ZNRF1: variants seen among roughly 807,000 people sequenced by gnomAD.
The protein encoded by ZNRF1 is zinc and ring finger 1, also known as E3 ubiquitin-protein ligase ZNRF1.
In ZNRF1, 3 loss-of-function variants were observed where a neutral mutation model predicts 18.4. That is an observed-to-expected ratio of 0.16 (90% CI 0.07 to 0.42). ZNRF1 has a LOEUF of 0.42. Among genes scored for constraint, ZNRF1 ranks in the 10% least tolerant of loss-of-function variants. ZNRF1 has a pLI of 0.99. For synonymous variants in ZNRF1, 157 were observed against 144.2 expected, an observed-to-expected ratio of 1.09 and a Z score of -0.64; for missense variants, 310 against 329.8, an observed-to-expected ratio of 0.94 and a Z score of 0.47.
intron 1 of ZNRF1, among the ~76,000 whole-genome samples, chr16:75,017,100 G>T (rs891382435): frequency 6.6e-6 from 1 of 151,984 alleles, no homozygotes; most frequent in Non-Finnish European, 1.5e-5. Flanking sequence ...ATTTCCTGAT[G>T]TCTTTGTATT....
intron 1 of ZNRF1, among the ~76,000 whole-genome samples, chr16:75,075,553 A>T (rs141450624): frequency 6.6e-6 from 1 of 152,282 alleles, no homozygotes; most frequent in East Asian, 1.9e-4. Context: ...TTAATTTGTT[A>T]TCTCTTTCCG....
intron 3 of ZNRF1, 37 bp from the exon 4 acceptor site, chr16:75,106,445 A>G: frequency 1.9e-6 from 3 of 1,613,016 alleles, no homozygotes; most frequent in Non-Finnish European, 2.5e-6. Context: ...CCTGGGCAGC[A>G]GGTAACGTGG....
chr16:75,096,485 G>A (rs1169452605), intron 2 of ZNRF1, among the ~76,000 whole-genome samples: 1 of 152,076 alleles, frequency 6.6e-6, no homozygotes, highest in Non-Finnish European at 1.5e-5. Context: ...CTCACCTGCT[G>A]CATGTTACCT....
At chr16:75,023,115 G>C (rs962355279) in intron 1 of ZNRF1, among the ~76,000 whole-genome samples, 3 of 152,172 alleles carry the variant, frequency 2.0e-5, no homozygotes, top group Non-Finnish European at 4.4e-5. Flanking sequence ...TCTGAGACTA[G>C]AGAGGATGGG....
Position 75,107,896 on chromosome 16 carries a change from A to G in ZNRF1, c.*196A>G, listed in dbSNP as rs1443483341. 2.3e-6 allele frequency: 1 copy of G among 432,762 alleles called. No individual in the cohort carries two copies. The highest frequency in any genetic ancestry group is 4.7e-6 in the Non-Finnish European group (1 of 211,028). The allele number at this position is 432,762 out of a possible 1,614,324, so 26.8% of individuals were successfully genotyped here. On this transcript the variant is annotated 3_prime_UTR_variant, in exon 5 of 5. Transcript: ENST00000335325. ...AATTGGATGAGAGCAAGTTTGAGAGAAGAATGAATCAACTGCTATCCTTCC... is the reference window on the plus strand; with the variant it reads ...AATTGGATGAGAGCAAGTTTGAGAGGAGAATGAATCAACTGCTATCCTTCC...
chr16:75,002,252 C>T lies in ZNRF1; in HGVS notation c.424+2157C>T, dbSNP rs575958305. The T allele has an allele frequency of 3.3e-5, 5 of 152,328 alleles. No homozygotes were observed. In the East Asian group the frequency reaches 5.8e-4, roughly 18 times the overall value. The allele number at this position is 152,328 out of a possible 1,614,324, so 9.4% of individuals were successfully genotyped here. ...GTGCATTTCATTTGAGATGAATCTT[C>T]GTGTGCAGCATTGGTTCCATCTCAC... On this transcript the variant is annotated intron_variant, in intron 1 of 4. Coordinates refer to ENST00000335325, the MANE Select transcript of ZNRF1 (RefSeq NM_032268.5).
chr16:75,071,613 C>T (rs2035871830), intron 1 of ZNRF1, among the ~76,000 whole-genome samples: 1 of 152,182 alleles, frequency 6.6e-6, no homozygotes, highest in Non-Finnish European at 1.5e-5. Context: ...TACTCTGGGT[C>T]AGAACAGTCC....
intron 1 of ZNRF1, among the ~76,000 whole-genome samples, chr16:75,055,933 G>C (rs557424094): frequency 3.3e-5 from 5 of 152,140 alleles, no homozygotes; most frequent in Admixed American, 1.3e-4. Context: ...GTATTTCCTC[G>C]ATAAAGACAT....
chr16:75,073,130 C>CTT (rs1567486845), intron 1 of ZNRF1, among the ~76,000 whole-genome samples: 2 of 125,876 alleles, frequency 1.6e-5, no homozygotes, highest in African/African-American at 2.9e-5. Flanking sequence ...CTCTCTCTCT[C>CTT]TCTCTCTCTC....
chr16:75,035,133 C>T lies in ZNRF1; in HGVS notation c.424+35038C>T, dbSNP rs116528266. ...AATCCCCACCCTCCACCCCCCCTCC[C>T]CAGGTTCGAGCTATTCTCCTGCCTC... On this transcript the variant is annotated intron_variant, in intron 1 of 4. Transcript: ENST00000335325. Among the ~76,000 whole-genome samples the T allele has an allele frequency of 3.2e-3, 477 of 151,068 alleles. 3 individuals are homozygous for T. The highest frequency in any genetic ancestry group is 0.011 in the African/African-American group (456 of 41,006).
At chr16:75,095,636 A>G in intron 2 of ZNRF1, 1 of 1,550,074 alleles carries the variant, frequency 6.5e-7, no homozygotes, top group Non-Finnish European at 8.7e-7. Context: ...TCAGCCTGAG[A>G]AAACCTGGCT....
intron 1 of ZNRF1, among the ~76,000 whole-genome samples, chr16:75,050,753 C>G (rs911267151): frequency 3.2e-4 from 48 of 150,826 alleles, no homozygotes; most frequent in Admixed American, 1.1e-3. Flanking sequence ...CGCCTGTAGT[C>G]CCAGCTACTC....
intron 1 of ZNRF1, among the ~76,000 whole-genome samples, chr16:75,071,005 G>A (rs111911180): frequency 3.9e-5 from 6 of 152,124 alleles, no homozygotes; most frequent in African/African-American, 1.4e-4. Context: ...GACTATGTGG[G>A]TCAGGTATTG....
At chr16:75,016,886 A>G (rs1254172204) in intron 1 of ZNRF1, among the ~76,000 whole-genome samples, 1 of 152,092 alleles carries the variant, frequency 6.6e-6, no homozygotes, top group East Asian at 1.9e-4. Context: ...GTCTTGCTAC[A>G]TGGAAGGGCA....
intron 1 of ZNRF1, among the ~76,000 whole-genome samples, chr16:75,015,369 G>A (rs567196607): frequency 5.9e-5 from 9 of 152,176 alleles, no homozygotes; most frequent in African/African-American, 9.6e-5. Flanking sequence ...AGGCCGAGGC[G>A]GTTCGAGACC....
intron 2 of ZNRF1, among the ~76,000 whole-genome samples, chr16:75,099,082 T>A (rs1232167838): frequency 6.6e-6 from 1 of 152,120 alleles, no homozygotes; most frequent in Non-Finnish European, 1.5e-5. Context: ...CGGGTGGTGT[T>A]TTCCAGCCCC....
At chr16:75,042,609 G>C (rs1007806729) in intron 1 of ZNRF1, among the ~76,000 whole-genome samples, 2 of 152,026 alleles carry the variant, frequency 1.3e-5, no homozygotes, top group African/African-American at 4.8e-5. Flanking sequence ...TTATGTGTCT[G>C]TTGCTATTGT....
intron 1 of ZNRF1, among the ~76,000 whole-genome samples, chr16:75,059,612 A>C (rs2035718004): frequency 6.6e-6 from 1 of 152,064 alleles, no homozygotes. Context: ...CCGGTTTTTC[A>C]GCCATCAAAA....
At chr16:75,062,283 G>C (rs773738793) in intron 1 of ZNRF1, among the ~76,000 whole-genome samples, 4 of 152,206 alleles carry the variant, frequency 2.6e-5, no homozygotes, top group Admixed American at 2.6e-4. Context: ...GCACAGCCCC[G>C]GGAGACGAAG....
Sources: gnomAD v4.1 joint callset for allele counts (sites outside exome capture counted in the v4.1 genomes callset) on GRCh38, gnomAD v4.1.1 for gene constraint, MANE v1.5 for transcripts, NCBI Gene and HGNC (gene_info 2026-07-23, HGNC 2026-07-21) for gene names.